Variants in PCED1B observed in about 807,000 individuals in gnomAD.
PCED1B encodes PC-esterase domain containing 1B.
For synonymous variants in PCED1B, 251 were observed against 246.1 expected, an observed-to-expected ratio of 1.02 and a Z score of -0.19; for missense variants, 573 against 573.9, an observed-to-expected ratio of 1.00 and a Z score of 0.02.
chr12:47,118,620 A>G (rs1180102078), intron 2 of PCED1B, among the ~76,000 whole-genome samples: 1 of 152,210 alleles, frequency 6.6e-6, no homozygotes, highest in Non-Finnish European at 1.5e-5. Flanking sequence ...GAAGTCAGGT[A>G]GCATGATGCC....
chr12:47,235,451 A>G lies in PCED1B; in HGVS notation c.388A>G (p.Arg130Gly). ...GAATTCCTGCCTCTGGGACATCTCC[A>G]GGTATGGTCCGAACTCCTGGAGAAG... ...IMNSCLWDIS[R>G]YGPNSWRSYL... Residue 130 changes from arginine (R) to glycine (G), a missense_variant, in exon 4 of 4, where the codon AGG (arginine) becomes GGG (glycine). Transcript: ENST00000546455. The G allele has an allele frequency of 6.2e-7, 1 of 1,614,128 alleles. No homozygotes were observed. Among genetic ancestry groups the G allele is most frequent in the South Asian group, 1.1e-5 (1 of 91,084 alleles).
chr12:47,103,616 G>C (rs907588047), intron 1 of PCED1B, among the ~76,000 whole-genome samples: 1 of 49,828 alleles, frequency 2.0e-5, no homozygotes, highest in African/African-American at 6.2e-5. Context: ...AAAATGAACC[G>C]GTTGTTCTTG....
intron 2 of PCED1B, among the ~76,000 whole-genome samples, chr12:47,189,922 G>GA (rs1168718899): frequency 6.6e-6 from 1 of 152,164 alleles, no homozygotes; most frequent in Middle Eastern, 3.2e-3. Context: ...GGGATCCACA[G>GA]AAGAGCTGCC....
chr12:47,217,510 A>C lies in PCED1B; in HGVS notation c.-58+821A>C, dbSNP rs193273432. On this transcript the variant is annotated intron_variant, in intron 3 of 3. Coordinates refer to ENST00000546455, the MANE Select transcript of PCED1B (RefSeq NM_138371.3). ...AAAGAAAGAAAGAAAGAAAGAAAGA[A>C]AGAAAGAAGAAAGAGAAAGAGAGAA... Among the ~76,000 whole-genome samples, 443 of 138,022 alleles carry C rather than the reference A, an allele frequency of 3.2e-3. 55 individuals are homozygous for C. The highest frequency in any genetic ancestry group is 0.012 in the African/African-American group (391 of 31,294). The allele number at this position is 138,022 out of a possible 152,430, so 90.5% of individuals were successfully genotyped here.
chr12:47,179,733 C>A (rs1238252910), intron 2 of PCED1B, among the ~76,000 whole-genome samples: 1 of 152,098 alleles, frequency 6.6e-6, no homozygotes, highest in Non-Finnish European at 1.5e-5. Context: ...TTTAAGAAAT[C>A]TTGACTGAAT....
chr12:47,211,062 T>G (rs1326993075), intron 2 of PCED1B, among the ~76,000 whole-genome samples: 1 of 152,206 alleles, frequency 6.6e-6, no homozygotes, highest in East Asian at 1.9e-4. Context: ...TATTTTCATT[T>G]TCATGTTTTC....
At chr12:47,203,976 T>C (rs1942843490) in intron 2 of PCED1B, among the ~76,000 whole-genome samples, 1 of 152,308 alleles carries the variant, frequency 6.6e-6, no homozygotes, top group East Asian at 1.9e-4. Flanking sequence ...AAGCATTCTT[T>C]TTCCCCACAA....
chr12:47,158,573 T>C (rs1246177648), intron 2 of PCED1B, among the ~76,000 whole-genome samples: 2 of 152,212 alleles, frequency 1.3e-5, no homozygotes, highest in African/African-American at 4.8e-5. Flanking sequence ...GATATATCAT[T>C]TGCAAATATT....
At chr12:47,228,459 CCTGA>C (rs1943700312) in intron 3 of PCED1B, among the ~76,000 whole-genome samples, 1 of 152,104 alleles carries the variant, frequency 6.6e-6, no homozygotes, top group Non-Finnish European at 1.5e-5. Context: ...GAGAGGGTTG[CCTGA>C]CTATGAATAA....
intron 3 of PCED1B, among the ~76,000 whole-genome samples, chr12:47,226,336 A>G (rs1249498096): frequency 3.3e-5 from 5 of 152,134 alleles, no homozygotes; most frequent in Admixed American, 3.3e-4. Flanking sequence ...CAGCTCTTTA[A>G]GTGCCCATTT....
chr12:47,172,945 T>C (rs1941799693), intron 2 of PCED1B, among the ~76,000 whole-genome samples: 1 of 152,166 alleles, frequency 6.6e-6, no homozygotes, highest in South Asian at 2.1e-4. Flanking sequence ...TGTTTTTGTG[T>C]GTTTGTGAGG....
chr12:47,178,665 G>A (rs1001140169), intron 2 of PCED1B, among the ~76,000 whole-genome samples: 7 of 151,912 alleles, frequency 4.6e-5, no homozygotes, highest in African/African-American at 9.7e-5. Context: ...TCAGGAGTTC[G>A]AGACCAGCCT....
intron 3 of PCED1B, chr12:47,223,421 C>G (rs1943544557): frequency 6.6e-6 from 1 of 152,166 alleles, no homozygotes; most frequent in Non-Finnish European, 1.5e-5. Context: ...GACCCAGACC[C>G]AGTCAGTGCA....
At position 47,143,133 on chromosome 12, in the gene PCED1B, T is replaced by C. The variant is rs551304926; in HGVS notation, c.-526+38938T>C. Among the ~76,000 whole-genome samples the C allele has an allele frequency of 5.3e-5, 8 of 152,212 alleles. No individual in the cohort carries two copies. In the South Asian group the frequency reaches 1.7e-3, roughly 32 times the overall value. Reference sequence around the variant, plus strand: ...CCCAGCTGTGAAACACTGAAAGCTTTACCTCTAAGATCAGGAACAAGGCAA... The same window carrying C: ...CCCAGCTGTGAAACACTGAAAGCTTCACCTCTAAGATCAGGAACAAGGCAA... On this transcript the variant is annotated intron_variant, in intron 2 of 3. Coordinates refer to ENST00000546455, the MANE Select transcript of PCED1B (RefSeq NM_138371.3).
chr12:47,231,846 A>T (rs140321503), intron 3 of PCED1B, among the ~76,000 whole-genome samples: 127 of 152,314 alleles, frequency 8.3e-4, no homozygotes, highest in African/African-American at 2.2e-3. Flanking sequence ...GGGAAGGCAC[A>T]TCGAGCTGGG....
chr12:47,233,244 C>T (rs1373255278), intron 3 of PCED1B, among the ~76,000 whole-genome samples: 2 of 152,140 alleles, frequency 1.3e-5, no homozygotes, highest in East Asian at 3.9e-4. Context: ...GCAAGCTCCG[C>T]CTCCTGGGCT....
intron 2 of PCED1B, among the ~76,000 whole-genome samples, chr12:47,191,742 CG>C (rs1231993459): frequency 6.6e-6 from 1 of 152,028 alleles, no homozygotes; most frequent in Non-Finnish European, 1.5e-5. Flanking sequence ...GAGGCAGAAT[CG>C]CTGAGGGTGC....
intron 2 of PCED1B, chr12:47,135,559 G>A: frequency 1.9e-6 from 1 of 514,182 alleles, no homozygotes; most frequent in Non-Finnish European, 4.0e-6. Flanking sequence ...CAGAGCCAGG[G>A]CCCAGATGTT....
At chr12:47,099,990 C>A (rs1938634442) in intron 1 of PCED1B, among the ~76,000 whole-genome samples, 1 of 152,172 alleles carries the variant, frequency 6.6e-6, no homozygotes, top group Non-Finnish European at 1.5e-5. Context: ...TGACTCCAAG[C>A]GGCTACACTG....
Sources: allele counts gnomAD v4.1 joint callset (sites outside exome capture counted in the v4.1 genomes callset), GRCh38; gene constraint gnomAD v4.1.1; transcripts MANE v1.5; gene names NCBI Gene and HGNC (gene_info 2026-07-23, HGNC 2026-07-21).